TTBK2: variants seen among roughly 807,000 people sequenced by gnomAD.
TTBK2 encodes tau-tubulin kinase 2.
In TTBK2, 28 loss-of-function variants were observed where a neutral mutation model predicts 110.8. That is an observed-to-expected ratio of 0.25 (90% confidence interval 0.19 to 0.35). The LOEUF (loss-of-function observed/expected upper bound fraction) is 0.35, where lower values mean the gene tolerates loss of function less well. TTBK2 is among the 10% of genes least tolerant of loss of function. The pLI is 1.00. For missense variants in TTBK2, 1,369 were observed against 1,500.3 expected (o/e 0.91, Z 1.45); for synonymous variants, 532 against 527.3 (o/e 1.01, Z -0.12).
At chr15:42,919,367 A>G (rs2031250834) in intron 1 of TTBK2, among the ~76,000 whole-genome samples, 2 of 152,200 alleles carry the variant, frequency 1.3e-5, no homozygotes, top group South Asian at 2.1e-4. Context: ...TCTATCCCCA[A>G]ATGAACTTTA....
intron 9 of TTBK2, among the ~76,000 whole-genome samples, chr15:42,804,405 C>T (rs965171322): frequency 2.7e-5 from 4 of 150,850 alleles, no homozygotes; most frequent in Admixed American, 2.0e-4. Context: ...CACGCCATTG[C>T]ACTCCAGCCT....
At chr15:42,916,564 T>A (rs2031093269) in intron 1 of TTBK2, among the ~76,000 whole-genome samples, 1 of 152,142 alleles carries the variant, frequency 6.6e-6, no homozygotes, top group Non-Finnish European at 1.5e-5. Context: ...TGACCTCAAG[T>A]GATTCAATTA....
Position 42,872,775 on chromosome 15 carries a change from AAC to A in TTBK2, c.70-19_70-18del, listed in dbSNP as rs1162997702. 1.2e-6 allele frequency: 2 copies of A among 1,613,876 alleles called. No individual in the cohort carries two copies. The highest frequency in any genetic ancestry group is 1.7e-6 in the Non-Finnish European group (2 of 1,179,868). On this transcript the variant is annotated intron_variant, in intron 2 of 14. Transcript: ENST00000267890. ...CTTTCTCAACTGCACAGAAAATAAG[AAC>A]ACACACACTCTAAATTACTAGAAGA... is the stretch of plus-strand genomic sequence containing the variant.
chr15:42,752,442 C>T lies in TTBK2; in HGVS notation c.2804G>A (p.Arg935Lys), dbSNP rs774994835. 8.7e-6 allele frequency: 14 copies of T among 1,614,068 alleles called. No homozygotes were observed. In the South Asian group the frequency reaches 1.3e-4, roughly 15 times the overall value. Residue 935 changes from arginine (R) to lysine (K), a missense_variant, in exon 14 of 15, where the codon AGG becomes AAG. By Grantham distance (26) the Arg-to-Lys change is conservative (BLOSUM62 2). Around this residue, in one of 4 missense-constraint regions of TTBK2, gnomAD observed 1,097 missense variants for 1,114.7 expected, o/e 0.98. Transcript: ENST00000267890. ...HGAPTRKDMV[R>K]SSFVTRHSRI... ...GCTGTGTCTAGTTACAAAGGATGAC[C>T]TAACCATATCCTTCCGGGTTGGGGC...
intron 2 of TTBK2, among the ~76,000 whole-genome samples, chr15:42,876,406 A>T (rs965096968): frequency 1.2e-4 from 18 of 152,294 alleles, no homozygotes; most frequent in Middle Eastern, 3.4e-3. Context: ...ACCAGCCTTA[A>T]CACAGTGCTT....
Position 42,752,677 on chromosome 15 carries a change from T to C in TTBK2, c.2569A>G (p.Arg857Gly), listed in dbSNP as rs1255904565. ...LTVGTSEISS[R>G]DIDPHVEGQI... is the part of the protein sequence containing the mutation. The stretch of plus-strand genomic sequence containing the variant: ...CCTTCAACATGTGGGTCAATGTCTC[T>C]GGAAGAAATTTCTGAAGTTCCAACT... Residue 857 changes from arginine (R) to glycine (G), a missense_variant, in exon 14 of 15, where the codon AGA becomes GGA. By Grantham distance (125) the Arg-to-Gly change is moderately radical. Around this residue, in one of 4 missense-constraint regions of TTBK2, gnomAD observed 1,097 missense variants for 1,114.7 expected, o/e 0.98. Coordinates refer to ENST00000267890, the MANE Select transcript of TTBK2 (RefSeq NM_173500.4). The C allele has an allele frequency of 6.2e-7, 1 of 1,614,182 alleles. No homozygotes were observed.
chr15:42,898,447 A>G, intron 1 of TTBK2, among the ~76,000 whole-genome samples: 1 of 151,830 alleles, frequency 6.6e-6, no homozygotes, highest in Non-Finnish European at 1.5e-5. Context: ...CGGGAGGCAG[A>G]GGTTGCAGAG....
chr15:42,792,138 G>GCAAACAAACAAAA (rs1555424726), intron 10 of TTBK2, among the ~76,000 whole-genome samples: 4 of 152,306 alleles, frequency 2.6e-5, no homozygotes, highest in Admixed American at 2.6e-4. Flanking sequence ...AGACTCTGTA[G>GCAAACAAACAAAA]CAAACAAACA....
In TTBK2 at chr15:42,754,447, G is replaced by C. The variant is rs530048523; in HGVS notation, c.1999-1200C>G. 4.6e-5 allele frequency among the ~76,000 whole-genome samples: 7 copies of C among 151,598 alleles called. No homozygotes were observed. In the South Asian group the frequency reaches 1.5e-3, roughly 32 times the overall value. On this transcript the variant is annotated intron_variant, in intron 13 of 14. Coordinates refer to ENST00000267890, the MANE Select transcript of TTBK2 (RefSeq NM_173500.4). The stretch of plus-strand genomic sequence containing the variant: ...GTCTTGCTCTGTCGCCCAGGCTGGA[G>C]TGCAATGGTGCAATCTTGGCTCACC...
Position 42,746,005 on chromosome 15 carries a change from G to A in TTBK2, c.3525C>T (p.His1175=), listed in dbSNP as rs772540637. Reference sequence around the variant, plus strand: ...GTGGGGACGAACTCCTCTGGTCATGGTGGGGCCGTCCAGCCCTAGATGGTG... The same window carrying A: ...GTGGGGACGAACTCCTCTGGTCATGATGGGGCCGTCCAGCCCTAGATGGTG... ...SSSPSRAGRP[H]HDQRSSSPHL... The change falls in exon 15 of 15, where the codon CAC becomes CAT. Residue 1175 remains histidine (H), a synonymous_variant. Coordinates refer to ENST00000267890, the MANE Select transcript of TTBK2 (RefSeq NM_173500.4). 12 of 1,614,074 alleles carry A rather than the reference G, an allele frequency of 7.4e-6. No individual in the cohort carries two copies. Among genetic ancestry groups the A allele is most frequent in the Non-Finnish European group, 1.0e-5 (12 of 1,180,044 alleles).
At position 42,840,367 on chromosome 15, in the gene TTBK2, T is replaced by C. The variant is rs1266025239; in HGVS notation, c.284A>G (p.Gln95Arg). Residue 95 changes from glutamine (Q) to arginine (R), a missense_variant, in exon 4 of 15, where the codon CAG (glutamine) becomes CGG (arginine). Gln to Arg is a conservative substitution (Grantham distance 43). This residue lies in a region of TTBK2 where 122 missense variants were observed against 159.7 expected (regional missense o/e 0.76). Transcript: ENST00000267890. ...RNDRFNYVVM[Q>R]LQGRNLADLR... ...GTTTTCAAGGTAACCTACCTGCAACTGCATGACCACATAGTTGAATCGATC... is the reference window on the plus strand; with the variant it reads ...GTTTTCAAGGTAACCTACCTGCAACCGCATGACCACATAGTTGAATCGATC... 7.4e-6 allele frequency: 12 copies of C among 1,613,850 alleles called. No individual in the cohort carries two copies. The highest frequency in any genetic ancestry group is 8.5e-6 in the Non-Finnish European group (10 of 1,179,880).
At chr15:42,915,119 G>T (rs1361226335) in intron 1 of TTBK2, among the ~76,000 whole-genome samples, 1 of 152,086 alleles carries the variant, frequency 6.6e-6, no homozygotes, top group African/African-American at 2.4e-5. Flanking sequence ...AGTTACCCGT[G>T]GTCAACCACA....
At position 42,739,140 on chromosome 15, in the gene TTBK2, A is replaced by G. The variant is rs1277285333; in HGVS notation, c.*6655T>C. The stretch of plus-strand genomic sequence containing the variant: ...CAGGTGGCCTATACAAAAGCACTCC[A>G]TGTTTCTGCCGATACTCTGTCCTTG... On this transcript the variant is annotated 3_prime_UTR_variant, in exon 15 of 15. Transcript: ENST00000267890. 2 of 152,056 alleles carry G rather than the reference A, an allele frequency of 1.3e-5. No homozygotes were observed. The highest frequency in any genetic ancestry group is 2.9e-5 in the Non-Finnish European group (2 of 68,004). 9.4% of individuals were successfully genotyped at this position (152,056 alleles called of 1,614,324 possible). A position where few individuals can be genotyped will look rare whatever the true frequency, so the allele number is the denominator to read the frequency against.
chr15:42,887,970 C>T (rs1895311613), intron 1 of TTBK2, among the ~76,000 whole-genome samples: 1 of 152,136 alleles, frequency 6.6e-6, no homozygotes, highest in African/African-American at 2.4e-5. Context: ...ATCTCCCAAA[C>T]CCCAATCCCT....
intron 13 of TTBK2, among the ~76,000 whole-genome samples, chr15:42,754,049 G>A (rs2061907133): frequency 6.6e-6 from 1 of 150,640 alleles, no homozygotes; most frequent in African/African-American, 2.4e-5. Context: ...ACATACAAAG[G>A]TATTTACTAA....
intron 10 of TTBK2, among the ~76,000 whole-genome samples, chr15:42,787,829 C>G (rs766568202): frequency 1.3e-5 from 2 of 152,048 alleles, no homozygotes; most frequent in African/African-American, 4.8e-5. Context: ...AGTCATGTAT[C>G]GCTTAACAAC....
intron 13 of TTBK2, among the ~76,000 whole-genome samples, chr15:42,764,183 A>C (rs996594455): frequency 6.6e-6 from 1 of 152,214 alleles, no homozygotes; most frequent in African/African-American, 2.4e-5. Context: ...AGCTCCCAGC[A>C]TGACTGACGC....
chr15:42,850,349 A>C (rs1893647802), intron 3 of TTBK2, among the ~76,000 whole-genome samples: 1 of 152,194 alleles, frequency 6.6e-6, no homozygotes, highest in Non-Finnish European at 1.5e-5. Flanking sequence ...AGGATACATT[A>C]AGTTCAGGCT....
At chr15:42,857,713 C>CTTAGAACGTATTAGAAAGT (rs1893998758) in intron 3 of TTBK2, among the ~76,000 whole-genome samples, 1 of 152,050 alleles carries the variant, frequency 6.6e-6, no homozygotes, top group Admixed American at 6.5e-5. Context: ...CTAATACGTT[C>CTTAGAACGTATTAGAAAGT]TTACATAAAA....
Sources: allele counts gnomAD v4.1 joint callset (sites outside exome capture counted in the v4.1 genomes callset), GRCh38; gene constraint gnomAD v4.1.1; regional missense constraint gnomAD v4.1.1; transcripts MANE v1.5; gene names NCBI Gene and HGNC (gene_info 2026-07-23, HGNC 2026-07-21).